ZNF521: variants seen among roughly 807,000 people sequenced by gnomAD.
ZNF521 encodes LYST-interacting protein 3.
Under a neutral mutation model 105.5 loss-of-function variants are expected in ZNF521, and 14 were observed. The observed-to-expected ratio is 0.13, with a 90% CI of 0.09 to 0.21. The LOEUF is 0.21. Among genes scored for constraint, ZNF521 ranks in the 10% least tolerant of loss-of-function variants. ZNF521 has a pLI of 1.00. For synonymous variants in ZNF521, 635 were observed against 606.0 expected (o/e 1.05, Z -0.70); for missense variants, 1,233 against 1,629.7 (o/e 0.76, Z 4.19).
chr18:25,188,367 C>T (rs188903785), intron 5 of ZNF521, among the ~76,000 whole-genome samples: 164 of 152,252 alleles, frequency 1.1e-3, no homozygotes, highest in African/African-American at 3.4e-3. Flanking sequence ...TTGTTTACTG[C>T]TATTAATGGC....
At chr18:25,242,448 T>TA (rs1295409023) in intron 3 of ZNF521, among the ~76,000 whole-genome samples, 1 of 152,170 alleles carries the variant, frequency 6.6e-6, no homozygotes, top group Non-Finnish European at 1.5e-5. Flanking sequence ...AACTCTCACC[T>TA]AAAAAACTCC....
At chr18:25,290,607 CTTTTTTTT>C (rs35687026) in intron 3 of ZNF521, among the ~76,000 whole-genome samples, 1 of 116,220 alleles carries the variant, frequency 8.6e-6, no homozygotes, top group African/African-American at 3.3e-5. Flanking sequence ...AGGCCATATT[CTTTTTTTT>C]TTTTTTTTTT....
At chr18:25,242,623 G>C (rs534312428) in intron 3 of ZNF521, among the ~76,000 whole-genome samples, 1 of 152,292 alleles carries the variant, frequency 6.6e-6, no homozygotes, top group East Asian at 1.9e-4. Context: ...AAATTTTGCA[G>C]TGATGAATGC....
At chr18:25,162,654 A>G (rs1395252404) in intron 5 of ZNF521, among the ~76,000 whole-genome samples, 1 of 152,210 alleles carries the variant, frequency 6.6e-6, no homozygotes, top group African/African-American at 2.4e-5. Context: ...ATGCAGTGAA[A>G]ATGACTGCCA....
chr18:25,302,801 A>C (rs1911715000), intron 3 of ZNF521: 1 of 152,224 alleles, frequency 6.6e-6, no homozygotes, highest in South Asian at 2.1e-4. Context: ...TTAAGAATGT[A>C]AGTTATCAAC....
chr18:25,120,599 A>G (rs1315070179), intron 5 of ZNF521, among the ~76,000 whole-genome samples: 2 of 134,208 alleles, frequency 1.5e-5, no homozygotes, highest in Non-Finnish European at 3.2e-5. Context: ...AAAAAAAAAA[A>G]AAACCACAAA....
chr18:25,266,454 C>G (rs545961229), intron 3 of ZNF521, among the ~76,000 whole-genome samples: 2 of 152,278 alleles, frequency 1.3e-5, no homozygotes, highest in South Asian at 4.1e-4. Flanking sequence ...ATCGGATTTG[C>G]TGGCAAGATG....
chr18:25,073,898 CAA>C (rs202224210), intron 7 of ZNF521, among the ~76,000 whole-genome samples: 37 of 116,506 alleles, frequency 3.2e-4, no homozygotes, highest in Non-Finnish European at 1.9e-4. Flanking sequence ...CACCGTAAGC[CAA>C]AAAAAAAAAA....
At chr18:25,339,172 T>C (rs944798731) in intron 2 of ZNF521, among the ~76,000 whole-genome samples, 3 of 152,158 alleles carry the variant, frequency 2.0e-5, no homozygotes, top group Non-Finnish European at 4.4e-5. Flanking sequence ...AAGTAAAATC[T>C]AAAGTTAACA....
At chr18:25,065,579 T>C (rs767342534) in intron 7 of ZNF521, among the ~76,000 whole-genome samples, 1 of 152,116 alleles carries the variant, frequency 6.6e-6, no homozygotes, top group Non-Finnish European at 1.5e-5. Context: ...TCAACCTGTA[T>C]TTACCTAAAT....
chr18:25,192,691 A>C (rs74757851), intron 5 of ZNF521, among the ~76,000 whole-genome samples: 1 of 120,234 alleles, frequency 8.3e-6, no homozygotes, highest in Non-Finnish European at 1.6e-5. Flanking sequence ...TTGATTAGAC[A>C]AAAAAAAAAA....
rs138598277 is a variant in ZNF521 at position 25,128,152 on chromosome 18, G to A, written c.3659-36071C>T. 4.5e-3 allele frequency among the ~76,000 whole-genome samples: 684 copies of A among 151,918 alleles called. 4 individuals carry two copies. Among genetic ancestry groups the A allele is most frequent in the African/African-American group, 0.015 (607 of 41,500 alleles). ...GACCCAGTGGGATTCTTCTAGGTAT[G>A]CAAGGCAAGTTCAACATTTGAAAAT... On this transcript the variant is annotated intron_variant, in intron 5 of 7. Coordinates refer to ENST00000361524, the MANE Select transcript of ZNF521 (RefSeq NM_015461.3).
At chr18:25,180,228 A>G (rs1337600007) in intron 5 of ZNF521, among the ~76,000 whole-genome samples, 3 of 152,218 alleles carry the variant, frequency 2.0e-5, no homozygotes, top group Non-Finnish European at 2.9e-5. Flanking sequence ...CCTTAATAAG[A>G]TAAGTTAAAT....
At chr18:25,250,819 T>C (rs1908069447) in intron 3 of ZNF521, among the ~76,000 whole-genome samples, 1 of 152,224 alleles carries the variant, frequency 6.6e-6, no homozygotes, top group Non-Finnish European at 1.5e-5. Flanking sequence ...ATGTCTCATG[T>C]AAAAATCATG....
intron 7 of ZNF521, among the ~76,000 whole-genome samples, chr18:25,073,948 A>G (rs2144134788): frequency 1.3e-5 from 2 of 152,266 alleles, no homozygotes; most frequent in African/African-American, 4.8e-5. Context: ...GTAAAGATAT[A>G]TAAAAATAAA....
chr18:25,209,726 A>AG (rs2036145591), intron 4 of ZNF521, among the ~76,000 whole-genome samples: 1 of 152,178 alleles, frequency 6.6e-6, no homozygotes. Context: ...GCAATCCAAT[A>AG]ATACTATTGA....
chr18:25,242,538 T>A (rs1415335796), intron 3 of ZNF521, among the ~76,000 whole-genome samples: 2 of 152,216 alleles, frequency 1.3e-5, no homozygotes, highest in Non-Finnish European at 2.9e-5. Flanking sequence ...TATATTATTT[T>A]TTCTTGCACA....
At chr18:25,137,519 G>A (rs2034759103) in intron 5 of ZNF521, among the ~76,000 whole-genome samples, 1 of 152,140 alleles carries the variant, frequency 6.6e-6, no homozygotes, top group South Asian at 2.1e-4. Flanking sequence ...CTTCCACTAA[G>A]CAGACAATCA....
chr18:25,249,543 C>T (rs1173700839), intron 3 of ZNF521, among the ~76,000 whole-genome samples: 2 of 151,440 alleles, frequency 1.3e-5, no homozygotes. Context: ...CTCACTGCAG[C>T]CTCTGCCTCC....
Sources: gnomAD v4.1 joint callset for allele counts (sites outside exome capture counted in the v4.1 genomes callset) on GRCh38, gnomAD v4.1.1 for gene constraint, MANE v1.5 for transcripts, NCBI Gene and HGNC (gene_info 2026-07-23, HGNC 2026-07-21) for gene names.